Variants in SLC35F5 observed in about 807,000 individuals in gnomAD.
SLC35F5 encodes the protein HCV NS5A-transactivated protein 3.
In SLC35F5, 54 loss-of-function variants were observed where a neutral mutation model predicts 68.6. The observed-to-expected ratio is 0.79, with a 90% CI of 0.63 to 0.99. The LOEUF is 0.99. Among genes scored for constraint, SLC35F5 ranks in the 50% least tolerant of loss-of-function variants. The pLI is 0.00. For missense variants in SLC35F5, 567 were observed against 626.9 expected, an observed-to-expected ratio of 0.90 and a Z score of 1.02; for synonymous variants, 211 against 205.2, an observed-to-expected ratio of 1.03 and a Z score of -0.24.
In SLC35F5 at chr2:113,711,854, T is replaced by C. The variant is rs970913028; in HGVS notation, c.*3364A>G. 7.2e-5 allele frequency among the ~76,000 whole-genome samples: 11 copies of C among 152,248 alleles called. No individual in the cohort carries two copies. Among genetic ancestry groups the C allele is most frequent in the Non-Finnish European group, 1.3e-4 (9 of 68,046 alleles). On this transcript the variant is annotated 3_prime_UTR_variant, in exon 16 of 16. Transcript: ENST00000245680. ...ATGACATTTCATTTATTTGCTAATA[T>C]GTGGAAAAAAATTTTCTAATTAATT...
downstream of SLC35F5, chr2:113,703,919 C>T (rs549652134): frequency 1.9e-3 from 291 of 152,482 alleles, 2 homozygotes; most frequent in African/African-American, 6.6e-3. Context: ...AGAATGAAGC[C>T]GTGGCTCCTC....
chr2:113,717,886 T>C, intron 14 of SLC35F5, 36 bp from the exon 15 acceptor site: 1 of 1,504,278 alleles, frequency 6.6e-7, no homozygotes, highest in South Asian at 1.2e-5. Flanking sequence ...AAGGAAAGCT[T>C]TAGAGCTGAA....
chr2:113,755,380 A>G (rs1676932573), intron 2 of SLC35F5, 74 bp from the exon 3 acceptor site: 8 of 1,604,992 alleles, frequency 5.0e-6, no homozygotes, highest in Admixed American at 1.7e-5. Flanking sequence ...GAACATTAGT[A>G]TAACAGAAAC....
Position 113,717,801 on chromosome 2 carries a change from C to T in SLC35F5, c.1546G>A (p.Val516Ile), listed in dbSNP as rs2104968356. ...QCESLISMHS[V>I]SQEDGAS Reference sequence around the variant, plus strand: ...TAACTAGCTCCATCCTCCTGAGAAACACTGTGCATAGAAATGAGACTCTCA... The same window carrying T: ...TAACTAGCTCCATCCTCCTGAGAAATACTGTGCATAGAAATGAGACTCTCA... Residue 516 changes from valine (V) to isoleucine (I), a missense_variant, in exon 15 of 16, where the codon GTT becomes ATT. Val to Ile is a conservative substitution (Grantham distance 29). Coordinates refer to ENST00000245680, the MANE Select transcript of SLC35F5 (RefSeq NM_025181.5). 1 of 1,613,380 alleles carries T rather than the reference C, an allele frequency of 6.2e-7. No individual in the cohort carries two copies. The highest frequency in any genetic ancestry group is 1.7e-5 in the Admixed American group (1 of 59,860).
intron 3 of SLC35F5, among the ~76,000 whole-genome samples, chr2:113,753,934 G>C (rs1676859957): frequency 6.6e-6 from 1 of 152,152 alleles, no homozygotes; most frequent in South Asian, 2.1e-4. Context: ...GGTTAGAGAA[G>C]AGTTTTAAAG....
chr2:113,737,967 A>C (rs1324266326), intron 7 of SLC35F5, among the ~76,000 whole-genome samples: 2 of 151,464 alleles, frequency 1.3e-5, no homozygotes, highest in Non-Finnish European at 2.9e-5. Flanking sequence ...TTGTCATAAA[A>C]TGTTAATATT....
At chr2:113,729,216 T>C (rs1031258799) in intron 11 of SLC35F5, among the ~76,000 whole-genome samples, 185 bp downstream of exon 11, 1 of 152,160 alleles carries the variant, frequency 6.6e-6, no homozygotes, top group Non-Finnish European at 1.5e-5. Context: ...CACTCCCTCA[T>C]AGGTGCACAA....
At chr2:113,727,217 G>A (rs1046737263) in intron 11 of SLC35F5, among the ~76,000 whole-genome samples, 3 of 152,072 alleles carry the variant, frequency 2.0e-5, no homozygotes, top group African/African-American at 4.8e-5. Context: ...CGTCATGATT[G>A]TAAGTTTCCT....
intron 5 of SLC35F5, 68 bp downstream of exon 5, chr2:113,746,209 C>T: frequency 8.5e-7 from 1 of 1,178,804 alleles, no homozygotes; most frequent in Admixed American, 1.7e-5. Flanking sequence ...GCCATCAAAC[C>T]TGTTTCAGTT....
intron 4 of SLC35F5, among the ~76,000 whole-genome samples, chr2:113,749,687 T>G (rs1676657752): frequency 6.6e-6 from 1 of 152,152 alleles, no homozygotes; most frequent in Non-Finnish European, 1.5e-5. Flanking sequence ...GTACAGACTT[T>G]CGGTCTAGGA....
downstream of SLC35F5, chr2:113,705,610 G>A (rs576850172): frequency 6.6e-6 from 1 of 152,048 alleles, no homozygotes; most frequent in East Asian, 1.9e-4. Context: ...CTAAAGGTTA[G>A]GATTGACAAA....
At chr2:113,755,349 AAAAACAACC>A in intron 2 of SLC35F5, 43 bp from the exon 3 acceptor site, 1 of 1,607,978 alleles carries the variant, frequency 6.2e-7, no homozygotes, top group Non-Finnish European at 8.5e-7. Context: ...ATGATTTTAG[AAAAACAACC>A]ATTAAAAATG....
intron 1 of SLC35F5, chr2:113,756,024 A>G (rs1676970679): frequency 6.7e-7 from 1 of 1,495,706 alleles, no homozygotes; most frequent in East Asian, 2.5e-5. Context: ...AAAGAAAAGG[A>G]TTCTCCATGC....
chr2:113,705,596 A>C (rs563273985), downstream of SLC35F5: 9 of 152,280 alleles, frequency 5.9e-5, no homozygotes, highest in African/African-American at 2.2e-4. Flanking sequence ...TTAAATGTTT[A>C]TCTCTAAAGG....
chr2:113,748,872 C>G (rs1676624486), intron 4 of SLC35F5, among the ~76,000 whole-genome samples: 1 of 152,148 alleles, frequency 6.6e-6, no homozygotes, highest in Admixed American at 6.5e-5. Flanking sequence ...GGTGCGATCT[C>G]AGCTCACTGC....
At position 113,708,095 on chromosome 2, in the gene SLC35F5, A is replaced by G. The variant is rs1343574598; in HGVS notation, c.*7123T>C. Among the ~76,000 whole-genome samples, 2 of 152,164 alleles carry G rather than the reference A, an allele frequency of 1.3e-5. No individual in the cohort carries two copies. The highest frequency in any genetic ancestry group is 2.9e-5 in the Non-Finnish European group (2 of 68,030). ...GGAAATTCCTCCCACCCATGCCACC[A>G]GTGCTCATCCTGTGGGCACCCCACA... On this transcript the variant is annotated 3_prime_UTR_variant, in exon 16 of 16. Coordinates refer to ENST00000245680, the MANE Select transcript of SLC35F5 (RefSeq NM_025181.5).
chr2:113,723,300 A>T, intron 12 of SLC35F5, 106 bp from the exon 13 acceptor site: 1 of 583,046 alleles, frequency 1.7e-6, no homozygotes. Context: ...GATCAGGAGC[A>T]AAGATAAGAG....
chr2:113,725,085 T>C (rs62168828), intron 12 of SLC35F5, among the ~76,000 whole-genome samples: 30,614 of 152,044 alleles, frequency 0.2, 3,334 homozygotes, highest in South Asian at 0.25. Context: ...CTACTTTCAT[T>C]TGCATAACAC....
rs771070381 is a variant in SLC35F5 at position 113,734,601 on chromosome 2, A to C, written c.905T>G (p.Leu302Ter). ...SGDRFTLSKLLAVILSIGGVV... is the reference protein window; with the variant it reads ...SGDRFTLSKL ...ATATGCTTACCTTAAAATTACAGCT[A>C]ATAGTTTAGAAAGGGTAAATCTATC... is the stretch of plus-strand genomic sequence containing the variant. The change falls in exon 9 of 16, where the codon TTA becomes TGA. Residue 302 changes from leucine to a stop codon, truncating the protein, a stop_gained. Transcript: ENST00000245680. LOFTEE classifies it high-confidence loss of function. 6.3e-7 allele frequency: 1 copy of C among 1,585,682 alleles called. No homozygotes were observed. Among genetic ancestry groups the C allele is most frequent in the African/African-American group, 1.3e-5 (1 of 74,278 alleles).
Sources: gnomAD v4.1 joint callset for allele counts (sites outside exome capture counted in the v4.1 genomes callset) on GRCh38, gnomAD v4.1.1 for gene constraint, MANE v1.5 for transcripts, NCBI Gene and HGNC (gene_info 2026-07-23, HGNC 2026-07-21) for gene names.